The following KITLG variants were observed in gnomAD, a reference collection of about 807,000 sequenced individuals.
KITLG encodes the protein KIT ligand, also known as c-Kit ligand.
A neutral mutation model predicts 34.1 loss-of-function variants in KITLG; 13 were observed. The ratio of observed to expected loss-of-function variants is 0.38; its 90% confidence interval spans 0.25 to 0.61. The LOEUF is 0.61. Among genes scored for constraint, KITLG ranks in the 20% least tolerant of loss-of-function variants. KITLG has a pLI of 0.60. For synonymous variants in KITLG, 110 were observed against 104.0 expected, an observed-to-expected ratio of 1.06 and a Z score of -0.35; for missense variants, 292 against 318.9, an observed-to-expected ratio of 0.92 and a Z score of 0.64.
intron 1 of KITLG, among the ~76,000 whole-genome samples, chr12:88,549,186 G>C (rs1320438452): frequency 2.6e-5 from 4 of 152,168 alleles, no homozygotes; most frequent in Non-Finnish European, 5.9e-5. Flanking sequence ...AGACAATGGA[G>C]AGGACAGCTC....
chr12:88,574,646 C>T (rs1871771025), intron 1 of KITLG, among the ~76,000 whole-genome samples: 1 of 152,166 alleles, frequency 6.6e-6, no homozygotes, highest in African/African-American at 2.4e-5. Context: ...CCCCTCAGTG[C>T]TCTTTCTACT....
chr12:88,553,054 A>C (rs1458538331), intron 1 of KITLG, among the ~76,000 whole-genome samples: 1 of 152,228 alleles, frequency 6.6e-6, no homozygotes, highest in African/African-American at 2.4e-5. Context: ...TGTTTGAGTA[A>C]AACTTTCTGA....
At chr12:88,570,298 A>C (rs1192532045) in intron 1 of KITLG, among the ~76,000 whole-genome samples, 1 of 152,084 alleles carries the variant, frequency 6.6e-6, no homozygotes. Context: ...AGGGGTTTCC[A>C]TTTGACTGCT....
intron 1 of KITLG, among the ~76,000 whole-genome samples, chr12:88,572,892 T>C (rs1023408945): frequency 2.0e-5 from 3 of 152,156 alleles, no homozygotes; most frequent in African/African-American, 7.2e-5. Flanking sequence ...AGGTCAGTCC[T>C]CTGACTAACA....
At chr12:88,521,071 T>C (rs1869639276) in intron 3 of KITLG, among the ~76,000 whole-genome samples, 2 of 152,208 alleles carry the variant, frequency 1.3e-5, no homozygotes, top group Admixed American at 1.3e-4. Context: ...CTTGTAATCA[T>C]GTTTCACTCA....
rs1410767768 is a variant in KITLG, at chr12:88,580,426, G to C, written c.-148C>G. ...GCGCAGCGCCCTCTCCACTGTCCCTGCTTCCCGCAGCGCTTCTAGTCTCGG... is the reference window on the plus strand; with the variant it reads ...GCGCAGCGCCCTCTCCACTGTCCCTCCTTCCCGCAGCGCTTCTAGTCTCGG... On this transcript the variant is annotated 5_prime_UTR_variant, in exon 1 of 10. Coordinates refer to ENST00000644744, the MANE Select transcript of KITLG (RefSeq NM_000899.5). 7.5e-6 allele frequency: 7 copies of C among 928,510 alleles called. No individual in the cohort carries two copies. Among genetic ancestry groups the C allele is most frequent in the Non-Finnish European group, 1.0e-5 (6 of 589,316 alleles). 57.5% of individuals were successfully genotyped at this position (928,510 alleles called of 1,614,324 possible).
At chr12:88,542,467 T>G (rs980572163) in intron 2 of KITLG, among the ~76,000 whole-genome samples, 1 of 152,138 alleles carries the variant, frequency 6.6e-6, no homozygotes, top group Non-Finnish European at 1.5e-5. Context: ...TAAAAAAACC[T>G]AGTATTCCCG....
intron 1 of KITLG, among the ~76,000 whole-genome samples, chr12:88,560,198 A>G (rs1428929551): frequency 6.6e-6 from 1 of 152,224 alleles, no homozygotes; most frequent in African/African-American, 2.4e-5. Context: ...TGAGAACATT[A>G]CATGACTATT....
chr12:88,497,004 T>C lies in KITLG; in HGVS notation c.*215A>G, dbSNP rs1165958904. 3.3e-6 allele frequency: 1 copy of C among 298,702 alleles called. No homozygotes were observed. Among genetic ancestry groups the C allele is most frequent in the Non-Finnish European group, 6.7e-6 (1 of 149,074 alleles). 18.5% of individuals were successfully genotyped at this position (298,702 alleles called of 1,614,324 possible). A position where few individuals can be genotyped will look rare whatever the true frequency, so the allele number is the denominator to read the frequency against. On this transcript the variant is annotated 3_prime_UTR_variant, in exon 10 of 10. Coordinates refer to ENST00000644744, the MANE Select transcript of KITLG (RefSeq NM_000899.5). ...AGTCCTGCTCCATGCAAGTTCTTCT[T>C]TATAGATGATTAATTCAGTGCCAGT...
intron 6 of KITLG, among the ~76,000 whole-genome samples, chr12:88,507,683 A>G (rs1211797474): frequency 6.6e-6 from 1 of 152,152 alleles, no homozygotes. Flanking sequence ...TCTTCAACAC[A>G]CATTTGTCGG....
At chr12:88,559,047 C>T (rs1381567491) in intron 1 of KITLG, among the ~76,000 whole-genome samples, 1 of 152,148 alleles carries the variant, frequency 6.6e-6, no homozygotes, top group Admixed American at 6.5e-5. Context: ...CAAACACCCC[C>T]TGTTCCCCAA....
chr12:88,497,251 C>A, intron 9 of KITLG, 70 bp from the exon 10 acceptor site: 2 of 348,174 alleles, frequency 5.7e-6, no homozygotes, highest in Non-Finnish European at 1.2e-5. Flanking sequence ...TCTCAATAGC[C>A]GAAATCATAT....
intron 3 of KITLG, among the ~76,000 whole-genome samples, chr12:88,525,598 A>AT (rs1869836719): frequency 6.6e-6 from 1 of 152,186 alleles, no homozygotes; most frequent in African/African-American, 2.4e-5. Flanking sequence ...CACAACTCAT[A>AT]TTTTTTGTAT....
intron 7 of KITLG, among the ~76,000 whole-genome samples, 158 bp downstream of exon 7, chr12:88,506,870 T>C (rs1869083948): frequency 6.6e-6 from 1 of 152,204 alleles, no homozygotes; most frequent in Non-Finnish European, 1.5e-5. Flanking sequence ...TCTCCAGACA[T>C]AATGAGAAAC....
chr12:88,522,534 T>A (rs1267086517), intron 3 of KITLG, among the ~76,000 whole-genome samples: 8 of 151,632 alleles, frequency 5.3e-5, no homozygotes, highest in Admixed American at 4.6e-4. Flanking sequence ...TTCAAGCGAT[T>A]CTCCTGCTTC....
chr12:88,576,312 G>A (rs1459779790), intron 1 of KITLG, among the ~76,000 whole-genome samples: 1 of 152,086 alleles, frequency 6.6e-6, no homozygotes, highest in Non-Finnish European at 1.5e-5. Flanking sequence ...ACAGATATTA[G>A]CCTATCATGG....
intron 2 of KITLG, among the ~76,000 whole-genome samples, chr12:88,534,420 C>A (rs1482125334): frequency 6.6e-6 from 1 of 152,070 alleles, no homozygotes; most frequent in Non-Finnish European, 1.5e-5. Flanking sequence ...GTCACCCAGG[C>A]TGGAGTGCAG....
chr12:88,537,244 C>A (rs1430889203), intron 2 of KITLG, among the ~76,000 whole-genome samples: 1 of 151,860 alleles, frequency 6.6e-6, no homozygotes, highest in Non-Finnish European at 1.5e-5. Flanking sequence ...CAACAATGGA[C>A]TGAATAAAGA....
At chr12:88,577,253 G>A (rs1871858693) in intron 1 of KITLG, among the ~76,000 whole-genome samples, 1 of 152,180 alleles carries the variant, frequency 6.6e-6, no homozygotes, top group South Asian at 2.1e-4. Flanking sequence ...CTTTGGAGTA[G>A]TGAAAATTAG....
Sources: allele counts gnomAD v4.1 joint callset (sites outside exome capture counted in the v4.1 genomes callset), GRCh38; gene constraint gnomAD v4.1.1; transcripts MANE v1.5; gene names NCBI Gene and HGNC (gene_info 2026-07-23, HGNC 2026-07-21).